SRARP: variants seen among roughly 807,000 people sequenced by gnomAD.
SRARP encodes steroid receptor-associated and regulated protein.
Under a neutral mutation model 3.6 loss-of-function variants are expected in SRARP, and 5 were observed. That is an observed-to-expected ratio of 1.39 (90% CI 0.73 to 2.93). The LOEUF (loss-of-function observed/expected upper bound fraction) is 2.93, where lower values mean the gene tolerates loss of function less well. Among genes scored for constraint, SRARP ranks in the 30% most tolerant of loss-of-function variants. SRARP has a pLI of 0.00. For synonymous variants in SRARP, 96 were observed against 91.6 expected, an observed-to-expected ratio of 1.05 and a Z score of -0.27; for missense variants, 215 against 216.7, an observed-to-expected ratio of 0.99 and a Z score of 0.05.
Position 16,004,530 on chromosome 1 carries a change from T to C in SRARP, c.82+145T>C, listed in dbSNP as rs2073116081. ...GAGTTCGAGACCAGCTTGGCCAACA[T>C]AGTGAAACCCCATATCTGCTAAAAA... On this transcript the variant is annotated intron_variant, in intron 1 of 1. Transcript: ENST00000329454. 8.0e-6 allele frequency: 5 copies of C among 626,482 alleles called. No homozygotes were observed. The Admixed American group carries it at 9.2e-5, about 12-fold the overall frequency. 38.8% of individuals were successfully genotyped at this position (626,482 alleles called of 1,614,324 possible).
At position 16,007,144 on chromosome 1, in the gene SRARP, G is replaced by C. The variant is rs1448203386; in HGVS notation, c.*798G>C. The C allele has an allele frequency of 3.9e-5, 6 of 151,928 alleles. No individual in the cohort carries two copies. The highest frequency in any genetic ancestry group is 8.8e-5 in the Non-Finnish European group (6 of 67,998). The allele number at this position is 151,928 out of a possible 1,614,324, so 9.4% of individuals were successfully genotyped here. On this transcript the variant is annotated 3_prime_UTR_variant, in exon 2 of 2. Transcript: ENST00000329454. ...GGGATCTGGCTTCTCAAAAGGGAGG[G>C]AGGTACTCAAAAATAGAGTATCATG...
rs2073124480 is a variant in SRARP at position 16,005,941 on chromosome 1, G to A, written c.105G>A (p.Gln35=). The change falls in exon 2 of 2, where the codon CAG becomes CAA. Residue 35 remains glutamine, a synonymous_variant. Transcript: ENST00000329454. ...TSSGGKLAGH[Q]KTVPTAHLTF... is the part of the protein sequence containing the mutation. ...TAGGTGGGAAGCTGGCTGGCCATCAGAAGACCGTCCCCACGGCTCACCTGA... is the reference window on the plus strand; with the variant it reads ...TAGGTGGGAAGCTGGCTGGCCATCAAAAGACCGTCCCCACGGCTCACCTGA... 1 of 1,586,140 alleles carries A rather than the reference G, an allele frequency of 6.3e-7. No individual in the cohort carries two copies. The highest frequency in any genetic ancestry group is 1.4e-5 in the African/African-American group (1 of 73,980).
At position 16,007,145 on chromosome 1, in the gene SRARP, A is replaced by G. The variant is rs1168626155; in HGVS notation, c.*799A>G. 1.3e-5 allele frequency: 2 copies of G among 151,816 alleles called. No individual in the cohort carries two copies. The highest frequency in any genetic ancestry group is 1.3e-4 in the Admixed American group (2 of 15,246). 9.4% of individuals were successfully genotyped at this position (151,816 alleles called of 1,614,324 possible). On this transcript the variant is annotated 3_prime_UTR_variant, in exon 2 of 2. Transcript: ENST00000329454. ...GGATCTGGCTTCTCAAAAGGGAGGG[A>G]GGTACTCAAAAATAGAGTATCATGT...
rs1413084821 is a variant in SRARP, at chr1:16,007,091, G to C, written c.*745G>C. The C allele has an allele frequency of 6.6e-6, 1 of 152,210 alleles. No individual in the cohort carries two copies. Among genetic ancestry groups the C allele is most frequent in the East Asian group, 1.9e-4 (1 of 5,194 alleles). The allele number at this position is 152,210 out of a possible 1,614,324, so 9.4% of individuals were successfully genotyped here. A position where few individuals can be genotyped will look rare whatever the true frequency, so the allele number is the denominator to read the frequency against. ...CCATCCCATAAGGCAGCCCAGGTGG[G>C]ACCTGGGGATCTGAGATGGGAAATA... On this transcript the variant is annotated 3_prime_UTR_variant, in exon 2 of 2. Transcript: ENST00000329454.
intron 1 of SRARP, among the ~76,000 whole-genome samples, chr1:16,005,309 G>A (rs1332815078): frequency 6.6e-6 from 1 of 152,086 alleles, no homozygotes; most frequent in African/African-American, 2.4e-5. Context: ...TGTTAGAAAC[G>A]CGAGTCTCAG....
At position 16,004,339 on chromosome 1, in the gene SRARP, C is replaced by T. The variant is rs1337861242; in HGVS notation, c.36C>T (p.Ala12=). 1 of 1,609,272 alleles carries T rather than the reference C, an allele frequency of 6.2e-7. No homozygotes were observed. The highest frequency in any genetic ancestry group is 1.7e-5 in the Admixed American group (1 of 59,300). Reference sequence around the variant, plus strand: ...CAGAAGACCCCAGGGACTGGAGAGCCAACCTCAAAGGCACCATCCGTGAGA... The same window carrying T: ...CAGAAGACCCCAGGGACTGGAGAGCTAACCTCAAAGGCACCATCCGTGAGA... ...APSEDPRDWR[A]NLKGTIRETG... is the part of the protein sequence containing the mutation. The change falls in exon 1 of 2, where the codon GCC becomes GCT. Residue 12 remains alanine (A), a synonymous_variant. Coordinates refer to ENST00000329454, the MANE Select transcript of SRARP (RefSeq NM_178840.4).
In SRARP at chr1:16,007,805, G is replaced by A. The variant is rs1305955767; in HGVS notation, c.*1459G>A. On this transcript the variant is annotated 3_prime_UTR_variant, in exon 2 of 2. Transcript: ENST00000329454. The stretch of plus-strand genomic sequence containing the variant: ...AGCTGCTAACATTTAACATGTAATT[G>A]ACCATTTACTCTGTGTCAGAGAAAC... 2.0e-5 allele frequency: 3 copies of A among 152,178 alleles called. No homozygotes were observed. Among genetic ancestry groups the A allele is most frequent in the Non-Finnish European group, 4.4e-5 (3 of 68,028 alleles). The allele number at this position is 152,178 out of a possible 1,614,324, so 9.4% of individuals were successfully genotyped here.
Position 16,006,593 on chromosome 1 carries a change from A to C in SRARP, c.*247A>C. Reference sequence around the variant, plus strand: ...TGCCAGGCCCTGCAAAGTGCTGGGGAGATACCATGGTTTTCCTGGAGCTGG... The same window carrying C: ...TGCCAGGCCCTGCAAAGTGCTGGGGCGATACCATGGTTTTCCTGGAGCTGG... On this transcript the variant is annotated 3_prime_UTR_variant, in exon 2 of 2. Transcript: ENST00000329454. The C allele has an allele frequency of 4.6e-6, 2 of 438,290 alleles. No individual in the cohort carries two copies. Among genetic ancestry groups the C allele is most frequent in the African/African-American group, 2.0e-5 (1 of 50,166 alleles). The allele number at this position is 438,290 out of a possible 1,614,324, so 27.2% of individuals were successfully genotyped here.
chr1:16,006,122 AC>A lies in SRARP; in HGVS notation c.291del (p.Met98TrpfsTer43), dbSNP rs752246194. On this transcript the variant is annotated frameshift_variant, in exon 2 of 2. Transcript: ENST00000329454. LOFTEE classifies it low-confidence loss of function (END_TRUNC). The part of the protein sequence containing the change: ...GENWPHLTRV[T>X]PMGGGCLAQA... The stretch of plus-strand genomic sequence containing the variant: ...AAACTGGCCCCATCTGACTCGGGTG[AC>A]CCCCATGGGTGGGGGATGCCTTGCC... The A allele has an allele frequency of 1.4e-5, 22 of 1,613,474 alleles. No individual in the cohort carries two copies. Among genetic ancestry groups the A allele is most frequent in the Non-Finnish European group, 1.9e-5 (22 of 1,179,860 alleles).
intron 1 of SRARP, among the ~76,000 whole-genome samples, chr1:16,004,841 C>T (rs2073118336): frequency 2.6e-5 from 4 of 151,732 alleles, no homozygotes. Context: ...ATTTCCTGTG[C>T]TAGCCAACCT....
At position 16,005,991 on chromosome 1, in the gene SRARP, G is replaced by A. The variant is rs1305958821; in HGVS notation, c.155G>A (p.Gly52Glu). The change falls in exon 2 of 2, where the codon GGG (glycine) becomes GAG (glutamate). Residue 52 changes from glycine to glutamate, a missense_variant. Gly to Glu is a moderately conservative substitution (Grantham distance 98). Transcript: ENST00000329454. ...HLTFVIDCTH[G>E]KQLSLAATAS... Reference sequence around the variant, plus strand: ...ACTTTTGTTATTGACTGCACCCACGGGAAGCAGCTCTCCCTGGCAGCAACC... The same window carrying A: ...ACTTTTGTTATTGACTGCACCCACGAGAAGCAGCTCTCCCTGGCAGCAACC... 1.2e-6 allele frequency: 2 copies of A among 1,613,480 alleles called. No homozygotes were observed. The highest frequency in any genetic ancestry group is 4.5e-5 in the East Asian group (2 of 44,888).
rs1407687020 is a variant in SRARP at position 16,007,287 on chromosome 1, C to T, written c.*941C>T. ...AAAGGTGGGGGGAGGAGGTTCACCC[C>T]TCAGGGCAATCGTGTTCCCTGAGCA... On this transcript the variant is annotated 3_prime_UTR_variant, in exon 2 of 2. Coordinates refer to ENST00000329454, the MANE Select transcript of SRARP (RefSeq NM_178840.4). 1 of 151,416 alleles carries T rather than the reference C, an allele frequency of 6.6e-6. No homozygotes were observed. Among genetic ancestry groups the T allele is most frequent in the Non-Finnish European group, 1.5e-5 (1 of 67,972 alleles). The allele number at this position is 151,416 out of a possible 1,614,324, so 9.4% of individuals were successfully genotyped here. A position where few individuals can be genotyped will look rare whatever the true frequency, so the allele number is the denominator to read the frequency against.
chr1:16,004,381 C>CTCCG lies in SRARP; in HGVS notation c.79_82dup (p.Gly28ValfsTer22), dbSNP rs956773044. The CTCCG allele has an allele frequency of 3.7e-6, 6 of 1,603,484 alleles. No homozygotes were observed. The African/African-American group carries it at 8.0e-5, about 21-fold the overall frequency. ...TCCGTGAGACAGGCCTGGAGACCAGCTCCGGTAAGAGGCGGCAAAGGGACC... is the reference window on the plus strand; with the variant it reads ...TCCGTGAGACAGGCCTGGAGACCAGCTCCGTCCGGTAAGAGGCGGCAAAGGGACC... On this transcript the variant is annotated frameshift_variant, in exon 1 of 2. Coordinates refer to ENST00000329454, the MANE Select transcript of SRARP (RefSeq NM_178840.4). LOFTEE classifies it low-confidence loss of function (END_TRUNC).
rs1358371168 is a variant in SRARP at position 16,006,045 on chromosome 1, A to C, written c.209A>C (p.Asn70Thr). The change falls in exon 2 of 2, where the codon AAT becomes ACT. Residue 70 changes from asparagine (N) to threonine (T), a missense_variant. Transcript: ENST00000329454. The stretch of plus-strand genomic sequence containing the variant: ...TCACCACCCCAAGCCCCCAGTCCCA[A>C]TCGAGGGCTTGTCACCCCACCAATG... The part of the protein sequence containing the change: ...TASPPQAPSP[N>T]RGLVTPPMKT... 13 of 1,613,792 alleles carry C rather than the reference A, an allele frequency of 8.1e-6. No homozygotes were observed. The highest frequency in any genetic ancestry group is 1.1e-5 in the Non-Finnish European group (13 of 1,179,950).
In SRARP at chr1:16,008,401, T is replaced by C. The variant is rs1389644705; in HGVS notation, c.*2055T>C. The C allele has an allele frequency of 6.6e-6, 1 of 152,166 alleles. No homozygotes were observed. The highest frequency in any genetic ancestry group is 1.9e-4 in the East Asian group (1 of 5,198). 9.4% of individuals were successfully genotyped at this position (152,166 alleles called of 1,614,324 possible). A position where few individuals can be genotyped will look rare whatever the true frequency, so the allele number is the denominator to read the frequency against. ...CCAGGCTTTGGGCTAAACCATGAGA[T>C]GGAGCAATGAATAAGACAATGAGGC... On this transcript the variant is annotated 3_prime_UTR_variant, in exon 2 of 2. Transcript: ENST00000329454.
rs1357646506 is a variant in SRARP at position 16,004,345 on chromosome 1, C to T, written c.42C>T (p.Leu14=). 1 of 1,609,416 alleles carries T rather than the reference C, an allele frequency of 6.2e-7. No individual in the cohort carries two copies. Among genetic ancestry groups the T allele is most frequent in the Non-Finnish European group, 8.5e-7 (1 of 1,178,374 alleles). Residue 14 remains leucine (L), a synonymous_variant, in exon 1 of 2, where the codon CTC becomes CTT. Coordinates refer to ENST00000329454, the MANE Select transcript of SRARP (RefSeq NM_178840.4). The part of the protein sequence containing the change: ...SEDPRDWRAN[L]KGTIRETGLE... ...ACCCCAGGGACTGGAGAGCCAACCT[C>T]AAAGGCACCATCCGTGAGACAGGCC...
In SRARP at chr1:16,006,170, C is replaced by T. The variant is rs34950166; in HGVS notation, c.334C>T (p.Leu112Phe). 0.02 allele frequency: 32,840 copies of T among 1,613,944 alleles called. 436 individuals are homozygous for T. Among genetic ancestry groups the T allele is most frequent in the Non-Finnish European group, 0.025 (29,091 of 1,180,020 alleles). The stretch of plus-strand genomic sequence containing the variant: ...TGCCCAGGCCAGGGCCACCCTGCCG[C>T]TCTGCAGAGGGTCTGTGGCCTCAGC... The part of the protein sequence containing the change: ...CLAQARATLP[L>F]CRGSVASASF... The change falls in exon 2 of 2, where the codon CTC becomes TTC. Residue 112 changes from leucine (L) to phenylalanine (F), a missense_variant. Transcript: ENST00000329454.
chr1:16,005,788 G>A (rs2073123602), intron 1 of SRARP, 131 bp from the exon 2 acceptor site: 1 of 872,068 alleles, frequency 1.1e-6, no homozygotes. Context: ...TGGGAGGATT[G>A]GTTGAGCCCC....
rs1331987738 is a variant in SRARP, at chr1:16,006,299, G to A, written c.463G>A (p.Asp155Asn). Residue 155 changes from aspartate to asparagine, a missense_variant, in exon 2 of 2, where the codon GAC (aspartate) becomes AAC (asparagine). Physicochemically the swap from Asp to Asn is conservative, Grantham distance 23 (BLOSUM62 1). Transcript: ENST00000329454. ...GTCTTCAACTTGGGGAACAGTCAAGGACTCACTGAAAGCCCTCTCCTCTTG... is the reference window on the plus strand; with the variant it reads ...GTCTTCAACTTGGGGAACAGTCAAGAACTCACTGAAAGCCCTCTCCTCTTG... ...VRSSTWGTVK[D>N]SLKALSSCVC... 1.2e-6 allele frequency: 2 copies of A among 1,612,268 alleles called. No individual in the cohort carries two copies. Among genetic ancestry groups the A allele is most frequent in the Admixed American group, 3.3e-5 (2 of 59,922 alleles).
Sources: gnomAD v4.1 joint callset for allele counts (sites outside exome capture counted in the v4.1 genomes callset) on GRCh38, gnomAD v4.1.1 for gene constraint, MANE v1.5 for transcripts, NCBI Gene and HGNC (gene_info 2026-07-23, HGNC 2026-07-21) for gene names.